The following SLC9A9 variants were observed in gnomAD, a reference collection of about 807,000 sequenced individuals.
SLC9A9 encodes solute carrier family 9 member A9.
Under a neutral mutation model 77.8 loss-of-function variants are expected in SLC9A9, and 62 were observed. The ratio of observed to expected loss-of-function variants is 0.80; its 90% CI spans 0.65 to 0.98. SLC9A9 has a LOEUF of 0.98. SLC9A9 is among the 50% of genes least tolerant of loss of function. The pLI is 0.00. For synonymous variants in SLC9A9, 320 were observed against 283.5 expected (o/e 1.13, Z -1.29); for missense variants, 775 against 774.9 (o/e 1.00, Z 0.00).
chr3:143,802,465 G>C (rs368028362), intron 2 of SLC9A9, among the ~76,000 whole-genome samples: 3 of 152,118 alleles, frequency 2.0e-5, no homozygotes, highest in African/African-American at 7.2e-5. Flanking sequence ...CACATGCCCC[G>C]AGTCAGGAAA....
At chr3:143,695,926 G>T (rs1378039978) in intron 4 of SLC9A9, among the ~76,000 whole-genome samples, 1 of 152,064 alleles carries the variant, frequency 6.6e-6, no homozygotes, top group Non-Finnish European at 1.5e-5. Flanking sequence ...TTTTTTTCAT[G>T]TATTTGTTGG....
intron 14 of SLC9A9, among the ~76,000 whole-genome samples, chr3:143,290,394 T>A (rs951732048): frequency 7.2e-5 from 11 of 152,184 alleles, no homozygotes; most frequent in African/African-American, 2.2e-4. Flanking sequence ...GTTCAATACA[T>A]ATTTGCTAAA....
intron 4 of SLC9A9, among the ~76,000 whole-genome samples, chr3:143,752,586 T>C (rs2006768524): frequency 6.6e-6 from 1 of 152,078 alleles, no homozygotes; most frequent in Non-Finnish European, 1.5e-5. Flanking sequence ...TTATAATACT[T>C]GGTGTGCTTT....
chr3:143,604,664 C>T (rs538899879), intron 6 of SLC9A9, among the ~76,000 whole-genome samples: 4 of 152,186 alleles, frequency 2.6e-5, no homozygotes, highest in South Asian at 4.1e-4. Context: ...AATATGCCTC[C>T]GAGTATGTGA....
At chr3:143,800,685 G>A (rs2008527565) in intron 2 of SLC9A9, among the ~76,000 whole-genome samples, 1 of 152,146 alleles carries the variant, frequency 6.6e-6, no homozygotes, top group Non-Finnish European at 1.5e-5. Flanking sequence ...CTTCAGCCAA[G>A]CTCTTTCTCA....
At chr3:143,814,131 T>A (rs764777682) in intron 2 of SLC9A9, among the ~76,000 whole-genome samples, 12 of 152,180 alleles carry the variant, frequency 7.9e-5, no homozygotes, top group African/African-American at 2.4e-4. Flanking sequence ...AAGGAACCTA[T>A]GTTTCTGCAC....
intron 4 of SLC9A9, among the ~76,000 whole-genome samples, chr3:143,732,959 A>T (rs1208583038): frequency 6.6e-6 from 1 of 152,158 alleles, no homozygotes; most frequent in African/African-American, 2.4e-5. Context: ...AACTAAGGCC[A>T]AAAAGTCATC....
At chr3:143,326,006 T>C (rs1370700740) in intron 14 of SLC9A9, among the ~76,000 whole-genome samples, 3 of 152,260 alleles carry the variant, frequency 2.0e-5, no homozygotes, top group Non-Finnish European at 4.4e-5. Flanking sequence ...TTTCTATTCA[T>C]GCATGCAAGT....
chr3:143,606,424 CTCTCTCTCTCTCTA>C (rs1175857951), intron 6 of SLC9A9, among the ~76,000 whole-genome samples: 119 of 74,612 alleles, frequency 1.6e-3, no homozygotes, highest in African/African-American at 2.3e-3. Context: ...CTCTCTCTCT[CTCTCTCTCTCTCTA>C]TATATATATA....
At chr3:143,545,565 G>A (rs2036773479) in intron 9 of SLC9A9, among the ~76,000 whole-genome samples, 1 of 152,172 alleles carries the variant, frequency 6.6e-6, no homozygotes, top group Admixed American at 6.5e-5. Flanking sequence ...TTCAAAAGCT[G>A]TAAGGTCTTC....
intron 5 of SLC9A9, among the ~76,000 whole-genome samples, chr3:143,677,897 G>A (rs1932936514): frequency 6.9e-6 from 1 of 145,706 alleles, no homozygotes; most frequent in Non-Finnish European, 1.5e-5. Flanking sequence ...CACAATCTCG[G>A]CTCACTGCAA....
intron 8 of SLC9A9, 90 bp downstream of exon 8, chr3:143,573,998 T>A: frequency 8.8e-7 from 1 of 1,131,304 alleles, no homozygotes; most frequent in Non-Finnish European, 1.3e-6. Context: ...AGAGACTTCA[T>A]TTCACCTCCT....
At chr3:143,784,584 C>A (rs2007987487) in intron 4 of SLC9A9, among the ~76,000 whole-genome samples, 1 of 149,592 alleles carries the variant, frequency 6.7e-6, no homozygotes, top group Non-Finnish European at 1.5e-5. Context: ...GTCTCTAACT[C>A]CTGGGCTCAA....
intron 6 of SLC9A9, among the ~76,000 whole-genome samples, chr3:143,586,557 T>C (rs1240137912): frequency 1.3e-5 from 2 of 152,032 alleles, no homozygotes; most frequent in Non-Finnish European, 1.5e-5. Flanking sequence ...CTTTATGCCT[T>C]AAAAAAAAGA....
chr3:143,691,726 C>T (rs931502216), intron 5 of SLC9A9, among the ~76,000 whole-genome samples: 1 of 152,126 alleles, frequency 6.6e-6, no homozygotes, highest in Non-Finnish European at 1.5e-5. Context: ...CACTTCCTGA[C>T]AGCATCAAAT....
intron 9 of SLC9A9, chr3:143,503,858 T>C (rs1198842257): frequency 8.6e-6 from 3 of 349,264 alleles, no homozygotes; most frequent in Admixed American, 7.4e-5. Flanking sequence ...GTTTTTGCAC[T>C]TCTCATGATT....
chr3:143,419,555 C>G (rs1223418903), intron 12 of SLC9A9, among the ~76,000 whole-genome samples: 2 of 152,178 alleles, frequency 1.3e-5, no homozygotes, highest in African/African-American at 2.4e-5. Flanking sequence ...TCTCCCTCTT[C>G]CCCACGTCAC....
intron 1 of SLC9A9, among the ~76,000 whole-genome samples, chr3:143,836,652 C>T (rs1327408395): frequency 1.3e-5 from 2 of 152,110 alleles, no homozygotes; most frequent in Non-Finnish European, 2.9e-5. Flanking sequence ...CAGGAGTACT[C>T]AAACCAAGGA....
chr3:143,727,065 T>A (rs1162505135), intron 4 of SLC9A9, among the ~76,000 whole-genome samples: 1 of 152,066 alleles, frequency 6.6e-6, no homozygotes, highest in East Asian at 1.9e-4. Context: ...AGGAGCCACT[T>A]CCCTAATGAT....
Sources: gnomAD v4.1 joint callset for allele counts (sites outside exome capture counted in the v4.1 genomes callset) on GRCh38, gnomAD v4.1.1 for gene constraint, MANE v1.5 for transcripts, NCBI Gene and HGNC (gene_info 2026-07-23, HGNC 2026-07-21) for gene names.